Variants in TBC1D22A observed in about 807,000 individuals in gnomAD.
The protein encoded by TBC1D22A is TBC1 domain family member 22A, also known as putative GTPase activator.
Under a neutral mutation model 60.2 loss-of-function variants are expected in TBC1D22A, and 38 were observed. The ratio of observed to expected loss-of-function variants is 0.63; its 90% CI spans 0.49 to 0.83. The LOEUF is 0.83. TBC1D22A is among the 40% of genes least tolerant of loss of function. TBC1D22A has a pLI of 0.00. For synonymous variants in TBC1D22A, 302 were observed against 281.7 expected, an observed-to-expected ratio of 1.07 and a Z score of -0.72; for missense variants, 628 against 701.0, an observed-to-expected ratio of 0.90 and a Z score of 1.18.
At chr22:47,163,108 G>T (rs1271326887) in intron 12 of TBC1D22A, among the ~76,000 whole-genome samples, 1 of 152,216 alleles carries the variant, frequency 6.6e-6, no homozygotes, top group East Asian at 1.9e-4. Flanking sequence ...TGGCCAGGGT[G>T]GGCAGGTTTG....
At chr22:46,814,259 A>G (rs1157850822) in intron 4 of TBC1D22A, among the ~76,000 whole-genome samples, 1 of 152,152 alleles carries the variant, frequency 6.6e-6, no homozygotes, top group African/African-American at 2.4e-5. Flanking sequence ...GGAGTCCTTG[A>G]TGTATATTTT....
At chr22:47,013,139 G>A (rs546739215) in intron 10 of TBC1D22A, among the ~76,000 whole-genome samples, 24 of 152,322 alleles carry the variant, frequency 1.6e-4, no homozygotes, top group Non-Finnish European at 2.1e-4. Context: ...TGTCCCAGTC[G>A]CTTCCTTCCC....
chr22:46,773,989 A>G, intron 1 of TBC1D22A: 1 of 985,550 alleles, frequency 1.0e-6, no homozygotes, highest in Non-Finnish European at 1.2e-6. Context: ...TAGGGGACTT[A>G]ACAGGTGTTG....
At chr22:47,071,351 C>G (rs1244109967) in intron 11 of TBC1D22A, among the ~76,000 whole-genome samples, 1 of 152,210 alleles carries the variant, frequency 6.6e-6, no homozygotes, top group East Asian at 1.9e-4. Context: ...CTGGGGCAGT[C>G]AGACCTTCCA....
intron 4 of TBC1D22A, among the ~76,000 whole-genome samples, chr22:46,865,104 G>A (rs759070321): frequency 6.6e-6 from 1 of 152,134 alleles, no homozygotes. Context: ...AACCTCCATT[G>A]GCTCCTCAGC....
intron 4 of TBC1D22A, among the ~76,000 whole-genome samples, chr22:46,841,499 A>C (rs1370664577): frequency 6.6e-6 from 1 of 152,234 alleles, no homozygotes; most frequent in African/African-American, 2.4e-5. Flanking sequence ...TGAGACAGTG[A>C]TATTATTCAC....
rs773479145 is a variant in TBC1D22A, at chr22:46,789,451, G to C, written c.63-3069G>C. ...GGAATCATCATAGAACAGTCAAAAT[G>C]CCAGTTGAAGTTTTGCTTTTGTGAG... is the stretch of plus-strand genomic sequence containing the variant. On this transcript the variant is annotated intron_variant, in intron 1 of 12. Coordinates refer to ENST00000337137, the MANE Select transcript of TBC1D22A (RefSeq NM_014346.5). The C allele has an allele frequency of 4.5e-4, 173 of 383,516 alleles. 2 individuals carry two copies. The highest frequency in any genetic ancestry group is 6.7e-5 in the Non-Finnish European group (12 of 179,746). 23.8% of individuals were successfully genotyped at this position (383,516 alleles called of 1,614,324 possible).
At chr22:46,767,004 G>T (rs2083312072) in intron 1 of TBC1D22A, among the ~76,000 whole-genome samples, 1 of 152,176 alleles carries the variant, frequency 6.6e-6, no homozygotes. Flanking sequence ...TGTCAGTACC[G>T]ATACCTGGTG....
At chr22:47,171,993 G>A (rs185185271) in intron 12 of TBC1D22A, among the ~76,000 whole-genome samples, 12 of 143,492 alleles carry the variant, frequency 8.4e-5, no homozygotes, top group East Asian at 2.0e-4. Context: ...TGCCCAGTGC[G>A]CCCGGTGAGC....
At chr22:47,159,650 G>T (rs568911495) in intron 12 of TBC1D22A, among the ~76,000 whole-genome samples, 1 of 148,200 alleles carries the variant, frequency 6.7e-6, no homozygotes, top group African/African-American at 2.5e-5. Flanking sequence ...CACATACCAC[G>T]TATATACACA....
At chr22:46,807,926 C>T (rs2085218801) in intron 4 of TBC1D22A, among the ~76,000 whole-genome samples, 1 of 152,104 alleles carries the variant, frequency 6.6e-6, no homozygotes. Flanking sequence ...ATGATCATGC[C>T]ACTGCACTCC....
intron 8 of TBC1D22A, chr22:46,915,701 G>C (rs2070316452): frequency 2.2e-6 from 1 of 456,730 alleles, no homozygotes; most frequent in Non-Finnish European, 4.4e-6. Context: ...AGACAGATCT[G>C]TGATGCCTGA....
intron 5 of TBC1D22A, among the ~76,000 whole-genome samples, chr22:46,879,813 A>G (rs1325566524): frequency 6.6e-6 from 1 of 152,204 alleles, no homozygotes; most frequent in Non-Finnish European, 1.5e-5. Context: ...TCTAGGGGGA[A>G]AGTCTCATGT....
intron 1 of TBC1D22A, among the ~76,000 whole-genome samples, chr22:46,766,680 C>T (rs1039385710): frequency 3.3e-5 from 5 of 152,144 alleles, no homozygotes; most frequent in Admixed American, 1.3e-4. Context: ...GGATTACAGG[C>T]GCCCACCACC....
At chr22:46,838,928 A>G (rs1041712679) in intron 4 of TBC1D22A, among the ~76,000 whole-genome samples, 3 of 152,248 alleles carry the variant, frequency 2.0e-5, no homozygotes, top group African/African-American at 7.2e-5. Flanking sequence ...CGTATATGAC[A>G]ATCCCATAGC....
intron 10 of TBC1D22A, among the ~76,000 whole-genome samples, chr22:47,034,032 C>T (rs924608076): frequency 1.3e-5 from 2 of 152,210 alleles, no homozygotes; most frequent in South Asian, 2.1e-4. Context: ...CCTCAGGGGC[C>T]CCTCGGCAGC....
intron 12 of TBC1D22A, among the ~76,000 whole-genome samples, chr22:47,154,082 G>T (rs771897350): frequency 2.6e-5 from 4 of 152,138 alleles, no homozygotes; most frequent in Non-Finnish European, 5.9e-5. Flanking sequence ...CAGGAAGAGG[G>T]CGCGTGGCTG....
chr22:46,780,825 C>G (rs569437340), intron 1 of TBC1D22A, among the ~76,000 whole-genome samples: 7 of 152,360 alleles, frequency 4.6e-5, no homozygotes, highest in Non-Finnish European at 5.9e-5. Context: ...TCAGTAGAAG[C>G]TGAAGACATC....
intron 12 of TBC1D22A, among the ~76,000 whole-genome samples, chr22:47,126,931 GGT>G (rs1194404073): frequency 1.3e-5 from 2 of 152,228 alleles, no homozygotes; most frequent in African/African-American, 4.8e-5. Flanking sequence ...TGGAGGGTCA[GGT>G]GAGATGATGG....
Sources: gnomAD v4.1 joint callset for allele counts (sites outside exome capture counted in the v4.1 genomes callset) on GRCh38, gnomAD v4.1.1 for gene constraint, MANE v1.5 for transcripts, NCBI Gene and HGNC (gene_info 2026-07-23, HGNC 2026-07-21) for gene names.